ZNF804B: variants seen among roughly 807,000 people sequenced by gnomAD.
ZNF804B encodes zinc finger 804B.
ZNF804B carries 80 observed loss-of-function variants against 101.4 expected under a neutral mutation model. That is an observed-to-expected ratio of 0.79 (90% CI 0.66 to 0.95). The LOEUF is 0.95. Among genes scored for constraint, ZNF804B ranks in the 40% least tolerant of loss-of-function variants. The pLI, the probability that ZNF804B is intolerant of heterozygous loss-of-function variation, is 0.00. For missense variants in ZNF804B, 1,673 were observed against 1,561.9 expected, an observed-to-expected ratio of 1.07 and a Z score of -1.20; for synonymous variants, 622 against 558.8, an observed-to-expected ratio of 1.11 and a Z score of -1.59.
intron 1 of ZNF804B, among the ~76,000 whole-genome samples, chr7:89,203,835 T>A (rs1788679950): frequency 6.6e-6 from 1 of 152,228 alleles, no homozygotes; most frequent in Non-Finnish European, 1.5e-5. Context: ...ATTGGCTTTA[T>A]ACTATTTTAA....
intron 2 of ZNF804B, among the ~76,000 whole-genome samples, chr7:89,277,963 C>A (rs1368024887): frequency 3.3e-5 from 5 of 152,110 alleles, no homozygotes; most frequent in Admixed American, 3.3e-4. Context: ...TACAGTCCCA[C>A]CAACAGTGTA....
At chr7:89,298,666 C>G (rs1790430398) in intron 2 of ZNF804B, among the ~76,000 whole-genome samples, 1 of 151,770 alleles carries the variant, frequency 6.6e-6, no homozygotes, top group Non-Finnish European at 1.5e-5. Flanking sequence ...GCTGTTTAGA[C>G]TGTTACGAAA....
At chr7:89,061,065 T>G (rs552712381) in intron 1 of ZNF804B, among the ~76,000 whole-genome samples, 7 of 152,234 alleles carry the variant, frequency 4.6e-5, no homozygotes, top group African/African-American at 1.7e-4. Context: ...ATTTCACTTT[T>G]TAACTTTTTT....
At chr7:89,294,204 C>G (rs1464843387) in intron 2 of ZNF804B, among the ~76,000 whole-genome samples, 3 of 152,154 alleles carry the variant, frequency 2.0e-5, no homozygotes, top group Admixed American at 2.0e-4. Flanking sequence ...GCACAGTGAC[C>G]TTATCAGATT....
intron 1 of ZNF804B, among the ~76,000 whole-genome samples, chr7:89,047,285 C>T (rs1325030070): frequency 6.6e-6 from 1 of 152,144 alleles, no homozygotes; most frequent in Non-Finnish European, 1.5e-5. Flanking sequence ...TTATTATTAA[C>T]ATTGGATATT....
At chr7:88,932,580 A>G (rs913582781) in intron 1 of ZNF804B, among the ~76,000 whole-genome samples, 1 of 151,876 alleles carries the variant, frequency 6.6e-6, no homozygotes, top group Non-Finnish European at 1.5e-5. Context: ...AACCAACACC[A>G]TAGAAATTCC....
At chr7:88,946,436 A>T (rs1343456227) in intron 1 of ZNF804B, among the ~76,000 whole-genome samples, 1 of 152,020 alleles carries the variant, frequency 6.6e-6, no homozygotes, top group East Asian at 1.9e-4. Flanking sequence ...CATCCCAGGG[A>T]TGAAGCCGAC....
At position 88,834,460 on chromosome 7, in the gene ZNF804B, A is replaced by G. The variant is rs554310270; in HGVS notation, c.108+74376A>G. Among the ~76,000 whole-genome samples the G allele has an allele frequency of 7.2e-5, 11 of 151,926 alleles. No individual in the cohort carries two copies. The East Asian group carries it at 2.1e-3, about 29-fold the overall frequency. ...GCTTAAAAGACAAGTAATTCTAATA[A>G]TCTTGTGAATGCAGAATTGAAAACG... On this transcript the variant is annotated intron_variant, in intron 1 of 3. Transcript: ENST00000333190.
chr7:89,334,916 A>T lies in ZNF804B; in HGVS notation c.1934A>T (p.His645Leu). ...KKHKLIPCSP[H>L]LEFEDERQFN... Reference sequence around the variant, plus strand: ...CATAAATTGATTCCCTGCAGTCCTCATTTGGAATTTGAAGATGAAAGACAA... The same window carrying T: ...CATAAATTGATTCCCTGCAGTCCTCTTTTGGAATTTGAAGATGAAAGACAA... Residue 645 changes from histidine to leucine, a missense_variant, in exon 4 of 4, where the codon CAT becomes CTT. Physicochemically the swap from His to Leu is moderately conservative, Grantham distance 99 (BLOSUM62 -3). Transcript: ENST00000333190. 1 of 1,613,866 alleles carries T rather than the reference A, an allele frequency of 6.2e-7. No homozygotes were observed. The highest frequency in any genetic ancestry group is 8.5e-7 in the Non-Finnish European group (1 of 1,179,888).
intron 1 of ZNF804B, among the ~76,000 whole-genome samples, chr7:89,162,074 A>G (rs1207613428): frequency 6.6e-6 from 1 of 152,128 alleles, no homozygotes; most frequent in Non-Finnish European, 1.5e-5. Context: ...CTCTAGTTTA[A>G]GATTAGTATC....
intron 1 of ZNF804B, among the ~76,000 whole-genome samples, chr7:89,021,851 T>C (rs1448614667): frequency 6.6e-6 from 1 of 152,156 alleles, no homozygotes; most frequent in African/African-American, 2.4e-5. Context: ...GATTGTACCA[T>C]GTTGCAGTGG....
chr7:89,059,585 C>A (rs1424122331), intron 1 of ZNF804B, among the ~76,000 whole-genome samples: 2 of 152,160 alleles, frequency 1.3e-5, no homozygotes, highest in Non-Finnish European at 2.9e-5. Flanking sequence ...CAGGCCCCAT[C>A]TCCAGGACCA....
intron 1 of ZNF804B, among the ~76,000 whole-genome samples, chr7:88,947,702 T>G (rs1443789899): frequency 6.6e-6 from 1 of 151,876 alleles, no homozygotes; most frequent in Admixed American, 6.6e-5. Context: ...AAGAATTTTG[T>G]GTTTAGACTT....
chr7:89,202,367 T>C (rs949828787), intron 1 of ZNF804B, among the ~76,000 whole-genome samples: 1 of 152,038 alleles, frequency 6.6e-6, no homozygotes, highest in Non-Finnish European at 1.5e-5. Context: ...TAGTGATCTA[T>C]GGACTAGCAA....
chr7:88,895,011 C>T (rs1460128547), intron 1 of ZNF804B, among the ~76,000 whole-genome samples: 2 of 152,000 alleles, frequency 1.3e-5, no homozygotes, highest in Non-Finnish European at 2.9e-5. Flanking sequence ...TCAGGGTATA[C>T]CTAATAAAGT....
At chr7:89,318,837 GGTGTGAA>G (rs1165575355) in intron 2 of ZNF804B, among the ~76,000 whole-genome samples, 1 of 150,800 alleles carries the variant, frequency 6.6e-6, no homozygotes, top group African/African-American at 2.4e-5. Flanking sequence ...GAAATATAGA[GGTGTGAA>G]GTGGGAAATC....
At chr7:89,207,289 C>T (rs529347030) in intron 1 of ZNF804B, among the ~76,000 whole-genome samples, 1 of 152,332 alleles carries the variant, frequency 6.6e-6, no homozygotes, top group Admixed American at 6.5e-5. Context: ...GTTTAATTGA[C>T]TCACAGTTCC....
intron 1 of ZNF804B, among the ~76,000 whole-genome samples, chr7:88,782,995 C>A (rs764975937): frequency 6.6e-6 from 1 of 152,062 alleles, no homozygotes; most frequent in Admixed American, 6.6e-5. Context: ...AAAGGCCAAA[C>A]GTGCAAATGT....
intron 2 of ZNF804B, among the ~76,000 whole-genome samples, chr7:89,229,897 G>T (rs1290405570): frequency 6.6e-6 from 1 of 151,958 alleles, no homozygotes; most frequent in African/African-American, 2.4e-5. Flanking sequence ...CTAGACACCT[G>T]TAATAAATAT....
Sources: gnomAD v4.1 joint callset for allele counts (sites outside exome capture counted in the v4.1 genomes callset) on GRCh38, gnomAD v4.1.1 for gene constraint, MANE v1.5 for transcripts, NCBI Gene and HGNC (gene_info 2026-07-23, HGNC 2026-07-21) for gene names.